ASB7: variants seen among roughly 807,000 people sequenced by gnomAD.
ASB7 encodes the protein ankyrin repeat and SOCS box protein 7.
Under a neutral mutation model 32.5 loss-of-function variants are expected in ASB7, and 4 were observed. The observed-to-expected ratio is 0.12, with a 90% CI of 0.06 to 0.28. The LOEUF (loss-of-function observed/expected upper bound fraction) is 0.28. Among genes scored for constraint, ASB7 ranks in the 10% least tolerant of loss-of-function variants. The pLI, the probability that ASB7 is intolerant of heterozygous loss-of-function variation, is 1.00. For synonymous variants in ASB7, 172 were observed against 155.6 expected, an observed-to-expected ratio of 1.11 and a Z score of -0.78; for missense variants, 181 against 407.1, an observed-to-expected ratio of 0.44 and a Z score of 4.78.
chr15:100,612,635 C>T (rs878912231), intron 4 of ASB7: 5 of 590,940 alleles, frequency 8.5e-6, no homozygotes, highest in Non-Finnish European at 1.5e-5. Context: ...GGATTCTTTT[C>T]CCTGAAACTG....
chr15:100,635,791 C>T (rs538417089), intron 5 of ASB7, among the ~76,000 whole-genome samples: 1 of 152,174 alleles, frequency 6.6e-6, no homozygotes, highest in African/African-American at 2.4e-5. Flanking sequence ...GCTTTTCCAG[C>T]CCCATAAGCG....
At chr15:100,626,245 G>A (rs2039836055) in intron 4 of ASB7, among the ~76,000 whole-genome samples, 2 of 152,134 alleles carry the variant, frequency 1.3e-5, no homozygotes, top group African/African-American at 4.8e-5. Flanking sequence ...CTGACAAAAG[G>A]CTTGTATCCA....
At position 100,617,961 on chromosome 15, in the gene ASB7, C is replaced by T. The variant is rs566760111; in HGVS notation, c.211+5534C>T. ...ATAAAGTTGCTTGAATGCATCATGCCTCCCCCCACCCCCCACGGGGTCTCC... is the reference window on the plus strand; with the variant it reads ...ATAAAGTTGCTTGAATGCATCATGCTTCCCCCCACCCCCCACGGGGTCTCC... On this transcript the variant is annotated intron_variant, in intron 4 of 5. Transcript: ENST00000332783. Among the ~76,000 whole-genome samples, 28 of 152,202 alleles carry T rather than the reference C, an allele frequency of 1.8e-4. No individual in the cohort carries two copies. In the South Asian group the frequency reaches 5.8e-3, roughly 32 times the overall value.
At chr15:100,623,745 G>A (rs988510696) in intron 4 of ASB7, among the ~76,000 whole-genome samples, 9 of 151,666 alleles carry the variant, frequency 5.9e-5, no homozygotes, top group Admixed American at 6.6e-5. Context: ...ATACGGCATC[G>A]GTGGGACTGT....
At chr15:100,620,594 T>C (rs2039782771) in intron 4 of ASB7, among the ~76,000 whole-genome samples, 1 of 81,530 alleles carries the variant, frequency 1.2e-5, no homozygotes, top group Non-Finnish European at 3.6e-5. Flanking sequence ...GTACAAACCC[T>C]GGTAGTCTTT....
At chr15:100,603,745 C>T (rs2039600718) in intron 2 of ASB7, among the ~76,000 whole-genome samples, 1 of 152,174 alleles carries the variant, frequency 6.6e-6, no homozygotes, top group Non-Finnish European at 1.5e-5. Context: ...TATCACCTTT[C>T]TTCTACCTGC....
At chr15:100,628,725 T>C (rs1379150001) in intron 4 of ASB7, among the ~76,000 whole-genome samples, 1 of 151,380 alleles carries the variant, frequency 6.6e-6, no homozygotes, top group East Asian at 1.9e-4. Flanking sequence ...CAGAGATCAG[T>C]CAATTAGGAG....
chr15:100,640,164 G>C (rs1037226586), intron 5 of ASB7, among the ~76,000 whole-genome samples: 11 of 150,948 alleles, frequency 7.3e-5, no homozygotes, highest in African/African-American at 2.4e-4. Flanking sequence ...TGTTTTTTTT[G>C]AGACAGAGTC....
chr15:100,635,726 T>C (rs2039917832), intron 5 of ASB7, among the ~76,000 whole-genome samples: 1 of 152,214 alleles, frequency 6.6e-6, no homozygotes, highest in Non-Finnish European at 1.5e-5. Context: ...TCACTCTCAG[T>C]CTTTCAGTGG....
chr15:100,619,381 G>C (rs1020864764), intron 4 of ASB7, among the ~76,000 whole-genome samples: 3 of 152,222 alleles, frequency 2.0e-5, no homozygotes, highest in African/African-American at 4.8e-5. Flanking sequence ...GAACAGATTC[G>C]TGCTTTAGTA....
intron 5 of ASB7, among the ~76,000 whole-genome samples, chr15:100,644,563 C>T (rs1361615693): frequency 6.6e-6 from 1 of 152,170 alleles, no homozygotes; most frequent in African/African-American, 2.4e-5. Context: ...CGCCGAGTAC[C>T]GTGTCAGCAG....
Position 100,648,609 on chromosome 15 carries a change from T to C in ASB7, c.*147T>C. 1 of 594,524 alleles carries C rather than the reference T, an allele frequency of 1.7e-6. No homozygotes were observed. 36.8% of individuals were successfully genotyped at this position (594,524 alleles called of 1,614,324 possible). A position where few individuals can be genotyped will look rare whatever the true frequency, so the allele number is the denominator to read the frequency against. Reference sequence around the variant, plus strand: ...ACTTTTGGGTTTTCTGTTTGTTTGGTTGGTTTTCATTGTAGGGGAGGGATT... The same window carrying C: ...ACTTTTGGGTTTTCTGTTTGTTTGGCTGGTTTTCATTGTAGGGGAGGGATT... On this transcript the variant is annotated 3_prime_UTR_variant, in exon 6 of 6. Coordinates refer to ENST00000332783, the MANE Select transcript of ASB7 (RefSeq NM_198243.3).
chr15:100,648,163 C>T (rs945592002), intron 5 of ASB7, among the ~76,000 whole-genome samples, 160 bp from the exon 6 acceptor site: 5 of 152,154 alleles, frequency 3.3e-5, no homozygotes, highest in African/African-American at 9.7e-5. Flanking sequence ...AATAAGGCAT[C>T]GCATGAAGGT....
chr15:100,602,724 CCTGGGTCCCTCCGTAG>C lies in ASB7; in HGVS notation c.-590_-575del. ...CTGGGACCTCGCCGTCCCGAGACCTCCTGGGTCCCTCCGTAGCTGGAAGCCTCCGGCCCGGAGCGCG... is the reference window on the plus strand; with the variant it reads ...CTGGGACCTCGCCGTCCCGAGACCTCCTGGAAGCCTCCGGCCCGGAGCGCG... On this transcript the variant is annotated 5_prime_UTR_variant, in exon 1 of 6. An upstream open reading frame in the 5' UTR gains an earlier in-frame stop. Coordinates refer to ENST00000332783, the MANE Select transcript of ASB7 (RefSeq NM_198243.3). The C allele has an allele frequency of 2.7e-6, 1 of 367,620 alleles. No individual in the cohort carries two copies. Among genetic ancestry groups the C allele is most frequent in the Non-Finnish European group, 4.8e-6 (1 of 206,968 alleles). The allele number at this position is 367,620 out of a possible 1,614,324, so 22.8% of individuals were successfully genotyped here.
chr15:100,632,815 CT>C (rs2039893694), intron 5 of ASB7, among the ~76,000 whole-genome samples: 1 of 150,446 alleles, frequency 6.6e-6, no homozygotes, highest in African/African-American at 2.5e-5. Context: ...CTCCTCTGGC[CT>C]TTTGGAAAAA....
chr15:100,620,849 T>G (rs1033272984), intron 4 of ASB7, among the ~76,000 whole-genome samples: 2 of 152,200 alleles, frequency 1.3e-5, no homozygotes, highest in Non-Finnish European at 2.9e-5. Context: ...GATTCAGTGT[T>G]TATGCAAATT....
intron 5 of ASB7, among the ~76,000 whole-genome samples, chr15:100,631,958 C>T (rs564768267): frequency 6.6e-6 from 1 of 152,324 alleles, no homozygotes; most frequent in South Asian, 2.1e-4. Context: ...CAGTTTCAAC[C>T]CTGTATACAA....
chr15:100,603,896 G>C (rs2039606549), intron 2 of ASB7, among the ~76,000 whole-genome samples: 1 of 152,192 alleles, frequency 6.6e-6, no homozygotes, highest in South Asian at 2.1e-4. Flanking sequence ...TTAAGAGTGT[G>C]AATGGTATGA....
At position 100,632,125 on chromosome 15, in the gene ASB7, T is replaced by C. The variant is rs148485140; in HGVS notation, c.817+2083T>C. On this transcript the variant is annotated intron_variant, in intron 5 of 5. Transcript: ENST00000332783. ...AGGAATGTTGAGTTAAAGACTCACA[T>C]GCACTTTAAAATTTGAGCAGATAGA... 3.0e-3 allele frequency among the ~76,000 whole-genome samples: 451 copies of C among 152,346 alleles called. 5 individuals are homozygous for C. Among genetic ancestry groups the C allele is most frequent in the African/African-American group, 0.01 (423 of 41,584 alleles).
Sources: allele counts gnomAD v4.1 joint callset (sites outside exome capture counted in the v4.1 genomes callset), GRCh38; gene constraint gnomAD v4.1.1; transcripts MANE v1.5; gene names NCBI Gene and HGNC (gene_info 2026-07-23, HGNC 2026-07-21).